The following ABTB2 variants were observed in gnomAD, a reference collection of about 807,000 sequenced individuals.
ABTB2 encodes ankyrin repeat and BTB domain containing 2.
A neutral mutation model predicts 104.1 loss-of-function variants in ABTB2; 56 were observed. The ratio of observed to expected loss-of-function variants is 0.54; its 90% CI spans 0.43 to 0.67. The LOEUF is 0.67. ABTB2 is among the 30% of genes least tolerant of loss of function. The probability of loss-of-function intolerance (pLI) is 0.00; values close to 1 mark genes in which losing one functional copy is unlikely to be tolerated. For synonymous variants in ABTB2, 606 were observed against 608.2 expected, an observed-to-expected ratio of 1.00 and a Z score of 0.05; for missense variants, 1,279 against 1,407.7, an observed-to-expected ratio of 0.91 and a Z score of 1.46.
chr11:34,205,911 A>G (rs1368165245), intron 1 of ABTB2, among the ~76,000 whole-genome samples: 1 of 152,148 alleles, frequency 6.6e-6, no homozygotes, highest in Non-Finnish European at 1.5e-5. Context: ...TACCTAGCTC[A>G]CAGGGCTGCT....
chr11:34,199,949 C>T (rs1317966257), intron 2 of ABTB2, among the ~76,000 whole-genome samples: 1 of 152,120 alleles, frequency 6.6e-6, no homozygotes, highest in Non-Finnish European at 1.5e-5. Flanking sequence ...TACTGCCTGC[C>T]GTCAAACTCT....
intron 1 of ABTB2, among the ~76,000 whole-genome samples, chr11:34,349,059 C>T (rs943058111): frequency 6.6e-6 from 1 of 152,198 alleles, no homozygotes; most frequent in African/African-American, 2.4e-5. Context: ...CCCAATCCTG[C>T]ATGCAGCTCC....
intron 1 of ABTB2, among the ~76,000 whole-genome samples, chr11:34,259,214 C>T (rs1203371113): frequency 6.6e-6 from 1 of 152,192 alleles, no homozygotes; most frequent in African/African-American, 2.4e-5. Flanking sequence ...GCCTGTCCTC[C>T]ACAGTGAGGT....
chr11:34,319,004 G>A (rs1404738474), intron 1 of ABTB2, among the ~76,000 whole-genome samples: 2 of 152,234 alleles, frequency 1.3e-5, no homozygotes, highest in Non-Finnish European at 2.9e-5. Flanking sequence ...CCTCTTTCCA[G>A]ACTGAAATCC....
chr11:34,166,990 G>A (rs7109960), intron 7 of ABTB2, among the ~76,000 whole-genome samples: 1 of 152,256 alleles, frequency 6.6e-6, no homozygotes, highest in Non-Finnish European at 1.5e-5. Flanking sequence ...ACGAGAGAGA[G>A]AGAGATGCCG....
chr11:34,225,496 C>A (rs561975236), intron 1 of ABTB2, among the ~76,000 whole-genome samples: 1 of 152,294 alleles, frequency 6.6e-6, no homozygotes, highest in African/African-American at 2.4e-5. Flanking sequence ...TGGCTCATGC[C>A]TGTAATCCCA....
At chr11:34,217,030 C>T (rs1204957404) in intron 1 of ABTB2, among the ~76,000 whole-genome samples, 1 of 152,212 alleles carries the variant, frequency 6.6e-6, no homozygotes, top group Non-Finnish European at 1.5e-5. Flanking sequence ...CTGCACGAGC[C>T]ACCCCTTAAT....
chr11:34,190,980 C>T (rs902214632), intron 3 of ABTB2, among the ~76,000 whole-genome samples: 3 of 152,204 alleles, frequency 2.0e-5, no homozygotes, highest in Admixed American at 1.3e-4. Flanking sequence ...CTACTATCTT[C>T]ACCATTTTAC....
chr11:34,157,780 G>A (rs2133001532), intron 14 of ABTB2, among the ~76,000 whole-genome samples: 1 of 152,284 alleles, frequency 6.6e-6, no homozygotes, highest in African/African-American at 2.4e-5. Context: ...CCCAGCCACT[G>A]CCAATCCAGG....
intron 1 of ABTB2, among the ~76,000 whole-genome samples, chr11:34,224,705 A>G (rs117181647): frequency 2.0e-5 from 3 of 152,186 alleles, no homozygotes; most frequent in Admixed American, 1.3e-4. Context: ...GAGGGCGAAC[A>G]TCAAATGAGA....
chr11:34,159,848 CTG>C (rs1462180990), intron 13 of ABTB2, 56 bp downstream of exon 13: 8 of 1,401,554 alleles, frequency 5.7e-6, no homozygotes, highest in African/African-American at 2.8e-5. Flanking sequence ...CACCTGGAAT[CTG>C]AAACAAGGTG....
chr11:34,177,075 A>C (rs1365489342), intron 3 of ABTB2, among the ~76,000 whole-genome samples: 1 of 152,222 alleles, frequency 6.6e-6, no homozygotes, highest in Non-Finnish European at 1.5e-5. Context: ...TGAAGTGTAA[A>C]CAAAAAGATA....
chr11:34,160,777 G>T, intron 11 of ABTB2, 126 bp downstream of exon 11: 2 of 1,058,074 alleles, frequency 1.9e-6, no homozygotes, highest in Admixed American at 2.3e-5. Flanking sequence ...GCAGGCGTGT[G>T]AGTGTGTGTG....
chr11:34,303,989 T>C (rs1854742641), intron 1 of ABTB2, among the ~76,000 whole-genome samples: 2 of 152,068 alleles, frequency 1.3e-5, no homozygotes, highest in Admixed American at 6.5e-5. Context: ...AGGTCAACTA[T>C]GGTCTGGAAA....
intron 3 of ABTB2, among the ~76,000 whole-genome samples, chr11:34,176,414 A>G (rs150227694): frequency 6.6e-6 from 1 of 152,334 alleles, no homozygotes; most frequent in Non-Finnish European, 1.5e-5. Flanking sequence ...CACGGGAACA[A>G]TGACTTCCTC....
intron 1 of ABTB2, among the ~76,000 whole-genome samples, chr11:34,314,913 C>T (rs1038759045): frequency 4.6e-5 from 7 of 152,122 alleles, no homozygotes; most frequent in Admixed American, 3.3e-4. Flanking sequence ...AGGGTGATGC[C>T]GCACTTACAA....
At chr11:34,169,773 C>A (rs1852845022) in intron 5 of ABTB2, among the ~76,000 whole-genome samples, 1 of 152,114 alleles carries the variant, frequency 6.6e-6, no homozygotes, top group Admixed American at 6.5e-5. Flanking sequence ...CTGCCCCACC[C>A]CACACTCCTT....
chr11:34,173,490 A>C (rs1353930184), intron 3 of ABTB2, among the ~76,000 whole-genome samples, 183 bp from the exon 4 acceptor site: 3 of 152,120 alleles, frequency 2.0e-5, no homozygotes, highest in African/African-American at 7.2e-5. Flanking sequence ...GAAGGGCAGC[A>C]GGGGACCCCT....
intron 1 of ABTB2, among the ~76,000 whole-genome samples, chr11:34,239,648 CCCCCA>C (rs1416677491): frequency 1.3e-5 from 2 of 152,248 alleles, no homozygotes; most frequent in East Asian, 3.9e-4. Context: ...CTTTTTTCTA[CCCCCA>C]CCCGGGGCTT....
Sources: gnomAD v4.1 joint callset for allele counts (sites outside exome capture counted in the v4.1 genomes callset) on GRCh38, gnomAD v4.1.1 for gene constraint, MANE v1.5 for transcripts, NCBI Gene and HGNC (gene_info 2026-07-23, HGNC 2026-07-21) for gene names.